AFF2: variants seen among roughly 807,000 people sequenced by gnomAD.
AFF2 encodes the protein ALF transcription elongation factor 2, also known as AF4/FMR2 family member 2.
AFF2 carries 14 observed loss-of-function variants against 76.9 expected under a neutral mutation model. The ratio of observed to expected loss-of-function variants is 0.18; its 90% CI spans 0.12 to 0.28. The LOEUF (loss-of-function observed/expected upper bound fraction) is 0.28. Among genes scored for constraint, AFF2 ranks in the 10% least tolerant of loss-of-function variants. AFF2 has a pLI of 1.00. For missense variants in AFF2, 868 were observed against 1,001.1 expected, an observed-to-expected ratio of 0.87 and a Z score of 1.79; for synonymous variants, 398 against 366.7, an observed-to-expected ratio of 1.09 and a Z score of -0.98.
rs77735141 is a variant in AFF2 at position 148,995,490 on chromosome X, C to A, written c.*4158C>A. 1 of 45,955 alleles carries A rather than the reference C, an allele frequency of 2.2e-5. No homozygotes were observed. The highest frequency in any genetic ancestry group is 6.2e-5 in the African/African-American group (1 of 16,229). The allele number at this position is 45,955 out of a possible 1,213,427, so 3.8% of individuals were successfully genotyped here. On this transcript the variant is annotated 3_prime_UTR_variant, in exon 21 of 21. Coordinates refer to ENST00000370460, the MANE Select transcript of AFF2 (RefSeq NM_002025.4). The stretch of plus-strand genomic sequence containing the variant: ...GGCAGAAAGGGGGTGGGGGTGGGGG[C>A]GGGGGGGTGGGGGGTGGGGAAGCCC...
intron 7 of AFF2, among the ~76,000 whole-genome samples, chrX:148,866,769 C>T (rs2070912453): frequency 8.9e-6 from 1 of 112,347 alleles, no homozygotes; most frequent in Non-Finnish European, 1.9e-5. Flanking sequence ...AGTTATTTTG[C>T]ATTTATTCAA....
intron 3 of AFF2, among the ~76,000 whole-genome samples, chrX:148,739,102 T>G (rs1557265397): frequency 8.9e-6 from 1 of 111,912 alleles, no homozygotes; most frequent in East Asian, 2.8e-4. Context: ...AGTTGTTGGA[T>G]GAAATGTTCT....
intron 3 of AFF2, among the ~76,000 whole-genome samples, chrX:148,762,018 T>TAGATAGATAG (rs1569555075): frequency 9.1e-5 from 10 of 109,994 alleles, no homozygotes; most frequent in Admixed American, 2.0e-4. Context: ...TAGATAGATA[T>TAGATAGATAG]ATATTTTAGG....
intron 1 of AFF2, among the ~76,000 whole-genome samples, chrX:148,578,441 A>G (rs1557243838): frequency 8.9e-6 from 1 of 111,736 alleles, no homozygotes; most frequent in African/African-American, 3.3e-5. Flanking sequence ...CCCCATGTAT[A>G]GACCATGGCA....
intron 3 of AFF2, among the ~76,000 whole-genome samples, chrX:148,749,567 G>A (rs146778102): frequency 7.2e-5 from 8 of 111,780 alleles, no homozygotes; most frequent in African/African-American, 2.6e-4. Context: ...GGATCAGGCT[G>A]GTTACTTGAT....
intron 1 of AFF2, among the ~76,000 whole-genome samples, chrX:148,574,330 C>T (rs1414092142): frequency 9.0e-6 from 1 of 110,813 alleles, no homozygotes; most frequent in African/African-American, 3.3e-5. Flanking sequence ...AGGGAAAAGT[C>T]GGGCCTTTGT....
chrX:148,702,299 CT>C (rs2054809653), intron 3 of AFF2, among the ~76,000 whole-genome samples: 1 of 111,543 alleles, frequency 9.0e-6, no homozygotes, highest in South Asian at 3.7e-4. Context: ...TTACTTGGTC[CT>C]TGTCAGAAAT....
intron 7 of AFF2, among the ~76,000 whole-genome samples, chrX:148,882,684 T>G (rs1354764492): frequency 1.8e-5 from 2 of 111,939 alleles, no homozygotes; most frequent in Non-Finnish European, 3.8e-5. Flanking sequence ...TTAACTGCAT[T>G]GGGTGTGAAT....
At chrX:148,773,466 C>T (rs898713218) in intron 3 of AFF2, among the ~76,000 whole-genome samples, 4 of 109,754 alleles carry the variant, frequency 3.6e-5, no homozygotes, top group Admixed American at 3.0e-4. Context: ...CAGTTGAGGG[C>T]CAGGGCAATT....
At chrX:148,688,669 G>C (rs2054622332) in intron 3 of AFF2, among the ~76,000 whole-genome samples, 1 of 111,358 alleles carries the variant, frequency 9.0e-6, no homozygotes, top group South Asian at 3.8e-4. Context: ...TGCGTTCTGA[G>C]AAGTGCATCA....
In AFF2 at chrX:148,688,702, A is replaced by G. The variant is rs995352599; in HGVS notation, c.1041+25934A>G. On this transcript the variant is annotated intron_variant, in intron 3 of 20. Coordinates refer to ENST00000370460, the MANE Select transcript of AFF2 (RefSeq NM_002025.4). ...TCATTAGACAATTTATCATTTTGTG[A>G]AATATGATGGAGTGCACTTACACAA... 6.3e-5 allele frequency among the ~76,000 whole-genome samples: 7 copies of G among 111,389 alleles called. 1 individual carries two copies.
chrX:148,895,619 A>G (rs782190226), intron 8 of AFF2, among the ~76,000 whole-genome samples: 5 of 106,493 alleles, frequency 4.7e-5, no homozygotes, highest in African/African-American at 1.0e-4. Flanking sequence ...GGGGGAGGGG[A>G]GAGAGAGAGA....
At chrX:148,746,461 C>T (rs782580963) in intron 3 of AFF2, among the ~76,000 whole-genome samples, 1 of 112,252 alleles carries the variant, frequency 8.9e-6, no homozygotes, top group Admixed American at 9.4e-5. Context: ...AGAATCCCTC[C>T]TCTTACTTCT....
At chrX:148,852,489 T>A (rs2124006184) in intron 7 of AFF2, among the ~76,000 whole-genome samples, 1 of 109,036 alleles carries the variant, frequency 9.2e-6, no homozygotes, top group African/African-American at 3.3e-5. Context: ...TCTTTTAAAG[T>A]ACCTATTCCT....
At chrX:148,625,992 T>C (rs2053921981) in intron 1 of AFF2, among the ~76,000 whole-genome samples, 1 of 112,468 alleles carries the variant, frequency 8.9e-6, no homozygotes, top group Admixed American at 9.4e-5. Context: ...ACCCTGATCA[T>C]TTTATTTTAT....
chrX:148,577,671 CAT>C (rs782096073), intron 1 of AFF2, among the ~76,000 whole-genome samples: 234 of 112,319 alleles, frequency 2.1e-3, no homozygotes, highest in African/African-American at 7.0e-3. Flanking sequence ...GAAGCCCACA[CAT>C]GTTTGAACTA....
At chrX:148,784,944 C>T (rs2069796552) in intron 3 of AFF2, among the ~76,000 whole-genome samples, 2 of 111,641 alleles carry the variant, frequency 1.8e-5, no homozygotes, top group Non-Finnish European at 3.8e-5. Context: ...CATAGGCCAT[C>T]AGTGGGGGTC....
intron 3 of AFF2, among the ~76,000 whole-genome samples, chrX:148,722,843 T>C (rs782316499): frequency 9.0e-6 from 1 of 111,286 alleles, no homozygotes; most frequent in South Asian, 3.8e-4. Flanking sequence ...TACCTTTGTA[T>C]ACCCCAGTCC....
chrX:148,971,246 G>A (rs2072247885), intron 15 of AFF2, among the ~76,000 whole-genome samples: 1 of 102,730 alleles, frequency 9.7e-6, no homozygotes, highest in Admixed American at 1.1e-4. Flanking sequence ...GTGGCATATA[G>A]TTGGCTAAGT....
Sources: allele counts gnomAD v4.1 joint callset (sites outside exome capture counted in the v4.1 genomes callset), GRCh38; gene constraint gnomAD v4.1.1; transcripts MANE v1.5; gene names NCBI Gene and HGNC (gene_info 2026-07-23, HGNC 2026-07-21).